Variants in STXBP6 observed in about 807,000 individuals in gnomAD.
The protein encoded by STXBP6 is syntaxin-binding protein 6.
Under a neutral mutation model 26.9 loss-of-function variants are expected in STXBP6, and 21 were observed. The observed-to-expected ratio is 0.78, with a 90% CI of 0.55 to 1.12. The LOEUF (loss-of-function observed/expected upper bound fraction) is 1.12. Among genes scored for constraint, STXBP6 ranks in the 50% most tolerant of loss-of-function variants. The probability of loss-of-function intolerance (pLI) is 0.00; values close to 1 mark genes in which losing one functional copy is unlikely to be tolerated. For missense variants in STXBP6, 232 were observed against 257.9 expected, an observed-to-expected ratio of 0.90 and a Z score of 0.69; for synonymous variants, 97 against 92.6, an observed-to-expected ratio of 1.05 and a Z score of -0.27.
Position 24,879,990 on chromosome 14 carries a change from C to A in STXBP6, c.155-22833G>T, listed in dbSNP as rs115678951. Reference sequence around the variant, plus strand: ...CTTGGTGTATACTCCCTTTCGTCATCTATTAAGTCATGAATCTGTTTCTAC... The same window carrying A: ...CTTGGTGTATACTCCCTTTCGTCATATATTAAGTCATGAATCTGTTTCTAC... On this transcript the variant is annotated intron_variant, in intron 2 of 5. Transcript: ENST00000323944. Among the ~76,000 whole-genome samples the A allele has an allele frequency of 4.5e-3, 682 of 152,310 alleles. 4 individuals are homozygous for A. The highest frequency in any genetic ancestry group is 0.017 in the Middle Eastern group (5 of 294).
At chr14:24,904,344 A>G (rs1045853968) in intron 2 of STXBP6, among the ~76,000 whole-genome samples, 13 of 152,196 alleles carry the variant, frequency 8.5e-5, no homozygotes, top group African/African-American at 3.1e-4. Flanking sequence ...ATGTTCTAAT[A>G]TATTAGGTTG....
At chr14:25,019,887 G>A (rs61978842) in intron 1 of STXBP6, among the ~76,000 whole-genome samples, 1 of 96,878 alleles carries the variant, frequency 1.0e-5, no homozygotes, top group Non-Finnish European at 2.2e-5. Flanking sequence ...TTTTTTTTTG[G>A]TGAGTCTTTC....
chr14:25,004,542 C>T (rs2074845059), intron 1 of STXBP6, among the ~76,000 whole-genome samples: 2 of 152,166 alleles, frequency 1.3e-5, no homozygotes, highest in Non-Finnish European at 2.9e-5. Flanking sequence ...AAAGAAACAG[C>T]ACCTGAAACT....
At chr14:24,959,481 T>A (rs757824661) in intron 2 of STXBP6, among the ~76,000 whole-genome samples, 1 of 152,202 alleles carries the variant, frequency 6.6e-6, no homozygotes, top group Non-Finnish European at 1.5e-5. Flanking sequence ...CTCAGAGCTA[T>A]GTTATTTTAA....
At chr14:24,931,137 AAAAAAC>A (rs2072384785) in intron 2 of STXBP6, among the ~76,000 whole-genome samples, 2 of 139,460 alleles carry the variant, frequency 1.4e-5, no homozygotes, top group African/African-American at 2.7e-5. Flanking sequence ...AAAAAAAAAA[AAAAAAC>A]CCAAACACCA....
At chr14:24,819,291 C>A in intron 4 of STXBP6, 97 bp from the exon 5 acceptor site, 1 of 1,435,150 alleles carries the variant, frequency 7.0e-7, no homozygotes, top group Non-Finnish European at 9.7e-7. Flanking sequence ...GAAGGCAGGT[C>A]ACACTGCAGA....
At chr14:24,918,705 G>A (rs565112105) in intron 2 of STXBP6, among the ~76,000 whole-genome samples, 2 of 151,914 alleles carry the variant, frequency 1.3e-5, no homozygotes, top group African/African-American at 4.8e-5. Context: ...CCCTTATTAC[G>A]GCAGTTTAAC....
intron 2 of STXBP6, among the ~76,000 whole-genome samples, chr14:24,919,240 C>G (rs1595109994): frequency 6.6e-6 from 1 of 151,946 alleles, no homozygotes; most frequent in African/African-American, 2.4e-5. Context: ...TTAAAATAAC[C>G]TTATCACCAA....
At chr14:24,954,588 C>G (rs534973910) in intron 2 of STXBP6, among the ~76,000 whole-genome samples, 1 of 152,280 alleles carries the variant, frequency 6.6e-6, no homozygotes, top group East Asian at 1.9e-4. Flanking sequence ...TGAGAGCTGC[C>G]TTTAGTGCGA....
At chr14:25,021,926 T>C (rs1381753440) in intron 1 of STXBP6, among the ~76,000 whole-genome samples, 1 of 152,140 alleles carries the variant, frequency 6.6e-6, no homozygotes, top group Non-Finnish European at 1.5e-5. Flanking sequence ...AAGATAACTG[T>C]CAACAGATCC....
chr14:24,812,172 A>G lies in STXBP6; in HGVS notation c.*537T>C, dbSNP rs2067842156. The G allele has an allele frequency of 6.6e-6, 1 of 152,158 alleles. No homozygotes were observed. Among genetic ancestry groups the G allele is most frequent in the Non-Finnish European group, 1.5e-5 (1 of 68,078 alleles). The allele number at this position is 152,158 out of a possible 1,614,324, so 9.4% of individuals were successfully genotyped here. A position where few individuals can be genotyped will look rare whatever the true frequency, so the allele number is the denominator to read the frequency against. ...AAATCTAAGACTGCTGTTTTTCCCAATAAATTCAATTGTTTTCCACAATGT... is the reference window on the plus strand; with the variant it reads ...AAATCTAAGACTGCTGTTTTTCCCAGTAAATTCAATTGTTTTCCACAATGT... On this transcript the variant is annotated 3_prime_UTR_variant, in exon 6 of 6. Coordinates refer to ENST00000323944, the MANE Select transcript of STXBP6 (RefSeq NM_001394410.1).
intron 1 of STXBP6, among the ~76,000 whole-genome samples, chr14:24,997,715 C>CTTTT (rs2074640928): frequency 6.6e-6 from 1 of 152,090 alleles, no homozygotes; most frequent in Non-Finnish European, 1.5e-5. Flanking sequence ...GCTGTAAATC[C>CTTTT]ACCCTTCAGA....
intron 5 of STXBP6, chr14:24,818,210 G>A: frequency 4.6e-6 from 2 of 437,662 alleles, no homozygotes; most frequent in Non-Finnish European, 4.5e-6. Flanking sequence ...CCACTAACCA[G>A]AAAAAAAACT....
chr14:24,828,948 A>G (rs2068371723), intron 4 of STXBP6, among the ~76,000 whole-genome samples: 1 of 152,160 alleles, frequency 6.6e-6, no homozygotes, highest in Non-Finnish European at 1.5e-5. Context: ...GCGTATGTGA[A>G]GAATATAGGC....
intron 1 of STXBP6, among the ~76,000 whole-genome samples, chr14:25,039,115 T>C (rs1344011741): frequency 6.6e-6 from 1 of 152,186 alleles, no homozygotes; most frequent in African/African-American, 2.4e-5. Context: ...AAACATCATG[T>C]TGTACAACAA....
intron 2 of STXBP6, among the ~76,000 whole-genome samples, chr14:24,899,376 A>C (rs1480777040): frequency 1.3e-5 from 2 of 152,234 alleles, no homozygotes; most frequent in Non-Finnish European, 2.9e-5. Flanking sequence ...CAGAGAAATT[A>C]TTCCATGCCA....
At position 24,972,962 on chromosome 14, in the gene STXBP6, A is replaced by G. The variant is rs2073942931; in HGVS notation, c.154+1703T>C. On this transcript the variant is annotated intron_variant, in intron 2 of 5. Transcript: ENST00000323944. ...TGAGAACTCATCTTTACAAAAAAAT[A>G]CAAACATCAGCTGGGCATGGTGTTG... Among the ~76,000 whole-genome samples the G allele has an allele frequency of 2.0e-5, 3 of 152,162 alleles. No individual in the cohort carries two copies. In the South Asian group the frequency reaches 6.2e-4, roughly 32 times the overall value.
intron 2 of STXBP6, among the ~76,000 whole-genome samples, chr14:24,869,818 T>A (rs1268203668): frequency 6.6e-6 from 1 of 152,180 alleles, no homozygotes; most frequent in Non-Finnish European, 1.5e-5. Context: ...AGTCACCAGA[T>A]TGAGCATTAC....
chr14:24,901,319 T>C (rs2071204026), intron 2 of STXBP6, among the ~76,000 whole-genome samples: 2 of 151,682 alleles, frequency 1.3e-5, no homozygotes, highest in African/African-American at 4.8e-5. Context: ...AATGAGTGGA[T>C]TTCTACAACA....
Sources: gnomAD v4.1 joint callset for allele counts (sites outside exome capture counted in the v4.1 genomes callset) on GRCh38, gnomAD v4.1.1 for gene constraint, MANE v1.5 for transcripts, NCBI Gene and HGNC (gene_info 2026-07-23, HGNC 2026-07-21) for gene names.